The following ANO2 variants were observed in gnomAD, a reference collection of about 807,000 sequenced individuals.
ANO2 encodes the protein anoctamin 2.
ANO2 carries 101 observed loss-of-function variants against 124.2 expected under a neutral mutation model. That is an observed-to-expected ratio of 0.81 (90% CI 0.69 to 0.96). ANO2 has a LOEUF of 0.96. Ranked by LOEUF, ANO2 falls within the 40% of genes least tolerant of loss-of-function variation. The pLI is 0.00. For missense variants in ANO2, 1,293 were observed against 1,274.5 expected (o/e 1.01, Z -0.22); for synonymous variants, 486 against 482.5 (o/e 1.01, Z -0.09).
intron 7 of ANO2, among the ~76,000 whole-genome samples, chr12:5,820,006 G>T (rs1953732924): frequency 6.6e-6 from 1 of 152,148 alleles, no homozygotes; most frequent in African/African-American, 2.4e-5. Context: ...GAAGCCTACT[G>T]CATTCCTACT....
intron 16 of ANO2, among the ~76,000 whole-genome samples, chr12:5,634,402 G>A (rs1195082122): frequency 6.6e-6 from 1 of 152,150 alleles, no homozygotes; most frequent in South Asian, 2.1e-4. Context: ...GGGGCTCCTC[G>A]TTACTAGGGT....
At chr12:5,791,597 C>G (rs1246736120) in intron 10 of ANO2, among the ~76,000 whole-genome samples, 1 of 152,154 alleles carries the variant, frequency 6.6e-6, no homozygotes, top group East Asian at 1.9e-4. Context: ...CTACAGAGTA[C>G]TGTGAAAAAA....
At chr12:5,843,374 AC>A (rs1365594064) in intron 4 of ANO2, among the ~76,000 whole-genome samples, 1 of 151,932 alleles carries the variant, frequency 6.6e-6, no homozygotes, top group Non-Finnish European at 1.5e-5. Context: ...ACATGGTGAA[AC>A]CCTGTCTCTA....
At chr12:5,573,806 G>A (rs1186978248) in intron 23 of ANO2, among the ~76,000 whole-genome samples, 1 of 152,034 alleles carries the variant, frequency 6.6e-6, no homozygotes, top group Non-Finnish European at 1.5e-5. Flanking sequence ...TCTTTTCTTG[G>A]TTGACGACAG....
At position 5,749,932 on chromosome 12, in the gene ANO2, CT is replaced by C. The variant is rs531414221; in HGVS notation, c.1190+903del. Among the ~76,000 whole-genome samples the C allele has an allele frequency of 2.6e-3, 374 of 143,370 alleles. 3 individuals carry two copies. In the East Asian group the frequency reaches 0.036, roughly 14 times the overall value. 94.1% of individuals were successfully genotyped at this position (143,370 alleles called of 152,430 possible). ...CAGTCTAAGTGCTTCTTTCCTTTTC[CT>C]TTTTTTTTTTTTCAGAGGGGTCTTG... On this transcript the variant is annotated intron_variant, in intron 11 of 24. Transcript: ENST00000682330.
intron 20 of ANO2, among the ~76,000 whole-genome samples, chr12:5,584,662 T>C (rs1480205724): frequency 6.6e-6 from 1 of 152,150 alleles, no homozygotes; most frequent in Non-Finnish European, 1.5e-5. Context: ...GATCCCCTTT[T>C]CCCAAGAGCA....
At chr12:5,723,934 C>T (rs1315520578) in intron 14 of ANO2, among the ~76,000 whole-genome samples, 1 of 152,124 alleles carries the variant, frequency 6.6e-6, no homozygotes, top group Non-Finnish European at 1.5e-5. Context: ...GGCTCAGGGA[C>T]TGGTCTGAGA....
chr12:5,685,129 G>A (rs1389600406), intron 14 of ANO2, among the ~76,000 whole-genome samples: 2 of 152,138 alleles, frequency 1.3e-5, no homozygotes, highest in Non-Finnish European at 2.9e-5. Flanking sequence ...TATGAGGCAC[G>A]AGTCCTGTCC....
intron 22 of ANO2, 133 bp from the exon 23 acceptor site, chr12:5,576,148 C>T (rs1942396248): frequency 1.1e-6 from 1 of 878,138 alleles, no homozygotes; most frequent in Admixed American, 3.3e-5. Context: ...GGTCCCTGAG[C>T]TCATGCAGCT....
At chr12:5,922,067 G>A (rs1484722497) in intron 2 of ANO2, among the ~76,000 whole-genome samples, 3 of 145,558 alleles carry the variant, frequency 2.1e-5, no homozygotes, top group Non-Finnish European at 4.5e-5. Context: ...CTCCTCTCCA[G>A]CCACTGGTGA....
chr12:5,826,748 G>A (rs977140565), intron 7 of ANO2, among the ~76,000 whole-genome samples: 16 of 152,090 alleles, frequency 1.1e-4, no homozygotes, highest in African/African-American at 3.9e-4. Flanking sequence ...CTCCAGCACT[G>A]TGCCCTGGGT....
intron 23 of ANO2, among the ~76,000 whole-genome samples, chr12:5,568,915 G>T (rs1169401759): frequency 6.6e-6 from 1 of 152,260 alleles, no homozygotes; most frequent in Non-Finnish European, 1.5e-5. Flanking sequence ...TCTGAAGACG[G>T]AGGGTCAACG....
At chr12:5,596,064 T>C (rs886525564) in intron 20 of ANO2, among the ~76,000 whole-genome samples, 2 of 152,196 alleles carry the variant, frequency 1.3e-5, no homozygotes, top group Non-Finnish European at 2.9e-5. Context: ...TGTGAATCTA[T>C]CTGGGTGAAA....
intron 14 of ANO2, among the ~76,000 whole-genome samples, chr12:5,711,806 T>A (rs1302974445): frequency 6.6e-6 from 1 of 152,244 alleles, no homozygotes; most frequent in Non-Finnish European, 1.5e-5. Flanking sequence ...TTCCTCCCCA[T>A]GATTTGTAAT....
intron 20 of ANO2, among the ~76,000 whole-genome samples, chr12:5,589,240 G>GTTACACCTTCTCTTAT (rs1157278079): frequency 1.3e-5 from 2 of 152,098 alleles, no homozygotes; most frequent in Non-Finnish European, 2.9e-5. Context: ...GTGGGTTCAC[G>GTTACACCTTCTCTTAT]TTACACCTTC....
At chr12:5,899,409 C>T (rs1244848725) in intron 3 of ANO2, among the ~76,000 whole-genome samples, 2 of 152,140 alleles carry the variant, frequency 1.3e-5, no homozygotes, top group Admixed American at 6.5e-5. Flanking sequence ...CAGGCAACTC[C>T]GCAGAGCCAG....
At chr12:5,873,243 C>CTCTCTG (rs1565739375) in intron 3 of ANO2, among the ~76,000 whole-genome samples, 9 of 132,762 alleles carry the variant, frequency 6.8e-5, no homozygotes, top group East Asian at 2.3e-4. Context: ...CTCTCTCTCT[C>CTCTCTG]TCTGTCTGTC....
At chr12:5,828,181 A>G (rs775739358) in intron 6 of ANO2, among the ~76,000 whole-genome samples, 22 of 152,164 alleles carry the variant, frequency 1.4e-4, no homozygotes, top group Non-Finnish European at 4.4e-5. Context: ...GGGTCTGTGG[A>G]GTAGGGCACA....
chr12:5,796,230 CACACTCATACCCACTCACACACAT>C (rs1952841608), intron 10 of ANO2, among the ~76,000 whole-genome samples: 1 of 151,388 alleles, frequency 6.6e-6, no homozygotes, highest in South Asian at 2.1e-4. Flanking sequence ...CACACATGAA[CACACTCATACCCACTCACACACAT>C]ACACTCACAC....
Sources: allele counts gnomAD v4.1 joint callset (sites outside exome capture counted in the v4.1 genomes callset), GRCh38; gene constraint gnomAD v4.1.1; transcripts MANE v1.5; gene names NCBI Gene and HGNC (gene_info 2026-07-23, HGNC 2026-07-21).